FOXP1: variants seen among roughly 807,000 people sequenced by gnomAD.
The protein encoded by FOXP1 is forkhead box P1.
In FOXP1, 15 loss-of-function variants were observed where a neutral mutation model predicts 98.2. That is an observed-to-expected ratio of 0.15 (90% CI 0.10 to 0.24). FOXP1 has a LOEUF of 0.24. Among genes scored for constraint, FOXP1 ranks in the 10% least tolerant of loss-of-function variants. The probability of loss-of-function intolerance (pLI) is 1.00; values close to 1 mark genes in which losing one functional copy is unlikely to be tolerated. For synonymous variants in FOXP1, 371 were observed against 314.5 expected, an observed-to-expected ratio of 1.18 and a Z score of -1.90; for missense variants, 633 against 848.5, an observed-to-expected ratio of 0.75 and a Z score of 3.15.
In FOXP1 at chr3:70,969,099, A is replaced by G. The variant is rs1471358089; in HGVS notation, c.1722+1637T>C. On this transcript the variant is annotated intron_variant, in intron 19 of 20. Transcript: ENST00000649528. ...TTGAAATTAGTCACATAGTTAAGAGAATTCAGAGGATGGAGGATCACTTTT... is the reference window on the plus strand; with the variant it reads ...TTGAAATTAGTCACATAGTTAAGAGGATTCAGAGGATGGAGGATCACTTTT... 2 of 151,396 alleles carry G rather than the reference A, an allele frequency of 1.3e-5. 1 individual carries two copies. The highest frequency in any genetic ancestry group is 4.2e-4 in the South Asian group (2 of 4,780). The allele number at this position is 151,396 out of a possible 1,614,324, so 9.4% of individuals were successfully genotyped here. A position where few individuals can be genotyped will look rare whatever the true frequency, so the allele number is the denominator to read the frequency against.
chr3:71,416,827 G>A (rs2083263548), intron 3 of FOXP1, among the ~76,000 whole-genome samples: 1 of 152,158 alleles, frequency 6.6e-6, no homozygotes, highest in African/African-American at 2.4e-5. Flanking sequence ...TGGCCGCATA[G>A]AAGGAGAAGA....
chr3:71,427,077 AT>A (rs1577439361), intron 3 of FOXP1, among the ~76,000 whole-genome samples: 1 of 151,022 alleles, frequency 6.6e-6, no homozygotes, highest in East Asian at 1.9e-4. Context: ...AAAAAAAAAA[AT>A]CAGATGCATT....
chr3:71,284,625 G>C (rs865937658), intron 5 of FOXP1, among the ~76,000 whole-genome samples: 35 of 152,194 alleles, frequency 2.3e-4, no homozygotes, highest in Admixed American at 9.8e-4. Flanking sequence ...AGGAAAACTG[G>C]ACATGGTGTC....
intron 20 of FOXP1, 63 bp from the exon 21 acceptor site, chr3:70,959,454 T>G (rs1230290724): frequency 1.2e-6 from 2 of 1,601,810 alleles, no homozygotes; most frequent in Non-Finnish European, 1.7e-6. Context: ...TCAGGTGCAC[T>G]GAAAAGTTTG....
At chr3:71,016,338 G>T (rs1347641303) in intron 11 of FOXP1, among the ~76,000 whole-genome samples, 1 of 152,106 alleles carries the variant, frequency 6.6e-6, no homozygotes, top group Non-Finnish European at 1.5e-5. Flanking sequence ...TAATGATCTG[G>T]CCACACGGAT....
At chr3:71,072,663 C>T (rs2107446198) in intron 7 of FOXP1, among the ~76,000 whole-genome samples, 1 of 152,256 alleles carries the variant, frequency 6.6e-6, no homozygotes, top group African/African-American at 2.4e-5. Flanking sequence ...ACTTTTTCAT[C>T]CTCTTCCTTA....
intron 5 of FOXP1, among the ~76,000 whole-genome samples, chr3:71,220,521 G>C (rs1406621050): frequency 6.6e-6 from 1 of 152,168 alleles, no homozygotes; most frequent in Admixed American, 6.5e-5. Flanking sequence ...GCTGAAGCAG[G>C]TGGATCGCCT....
chr3:71,476,530 G>A (rs969275610), intron 3 of FOXP1, among the ~76,000 whole-genome samples: 6 of 151,910 alleles, frequency 3.9e-5, no homozygotes, highest in African/African-American at 7.3e-5. Flanking sequence ...AAAATTTCAT[G>A]CCATTTTGTT....
intron 14 of FOXP1, among the ~76,000 whole-genome samples, chr3:70,982,009 T>C (rs1288305072): frequency 3.3e-5 from 5 of 152,178 alleles, no homozygotes; most frequent in Admixed American, 2.0e-4. Context: ...TTCTTAACTT[T>C]TAAACTTCTG....
At chr3:71,455,221 G>C (rs920616785) in intron 3 of FOXP1, among the ~76,000 whole-genome samples, 4 of 152,000 alleles carry the variant, frequency 2.6e-5, no homozygotes, top group Admixed American at 6.6e-5. Flanking sequence ...ATAGCCACAC[G>C]AGCACACATC....
At chr3:71,145,926 C>T (rs1306501556) in intron 6 of FOXP1, among the ~76,000 whole-genome samples, 1 of 152,186 alleles carries the variant, frequency 6.6e-6, no homozygotes, top group Non-Finnish European at 1.5e-5. Context: ...AAAACATTTT[C>T]TTACAGTCAG....
chr3:71,222,511 C>T (rs2065478019), intron 5 of FOXP1, among the ~76,000 whole-genome samples: 2 of 152,156 alleles, frequency 1.3e-5, no homozygotes, highest in Non-Finnish European at 2.9e-5. Flanking sequence ...CTCTGCCTCT[C>T]AGGTTCAAGC....
At chr3:71,549,874 A>C (rs1465738225) in intron 2 of FOXP1, among the ~76,000 whole-genome samples, 1 of 146,494 alleles carries the variant, frequency 6.8e-6, no homozygotes, top group Non-Finnish European at 1.5e-5. Flanking sequence ...AAAAAAAAAA[A>C]AAAAAAAAAA....
At chr3:71,077,262 G>A (rs17008175) in intron 7 of FOXP1, among the ~76,000 whole-genome samples, 4,098 of 152,224 alleles carry the variant, frequency 0.027, 107 homozygotes, top group East Asian at 0.083. Flanking sequence ...CTCCCATTCT[G>A]CAGCAAGGTG....
At chr3:70,975,460 T>G (rs531241680) in intron 17 of FOXP1, among the ~76,000 whole-genome samples, 1 of 152,366 alleles carries the variant, frequency 6.6e-6, no homozygotes, top group East Asian at 1.9e-4. Context: ...ATTCTATGGT[T>G]ATATTCGTTT....
intron 7 of FOXP1, among the ~76,000 whole-genome samples, chr3:71,107,257 A>C (rs2057519684): frequency 6.6e-6 from 1 of 152,178 alleles, no homozygotes; most frequent in South Asian, 2.1e-4. Context: ...ACTATCAAAG[A>C]AAAACAAAAT....
chr3:71,154,096 CTTT>C (rs142389444), intron 6 of FOXP1, among the ~76,000 whole-genome samples: 6 of 150,012 alleles, frequency 4.0e-5, no homozygotes, highest in African/African-American at 1.5e-4. Context: ...TCTTCTTCTT[CTTT>C]TTTTTTGCAA....
At chr3:71,086,589 A>G (rs1351385582) in intron 7 of FOXP1, among the ~76,000 whole-genome samples, 1 of 152,118 alleles carries the variant, frequency 6.6e-6, no homozygotes, top group Non-Finnish European at 1.5e-5. Context: ...ATCCCAGGCT[A>G]GAGACTCCAT....
intron 6 of FOXP1, among the ~76,000 whole-genome samples, chr3:71,176,777 G>A (rs1008767960): frequency 7.5e-5 from 11 of 145,794 alleles, no homozygotes; most frequent in East Asian, 2.0e-4. Flanking sequence ...AAAAAGAGCC[G>A]GGGGGCGGGT....
Sources: gnomAD v4.1 joint callset for allele counts (sites outside exome capture counted in the v4.1 genomes callset) on GRCh38, gnomAD v4.1.1 for gene constraint, MANE v1.5 for transcripts, NCBI Gene and HGNC (gene_info 2026-07-23, HGNC 2026-07-21) for gene names.